The following KANK1 variants were observed in gnomAD, a reference collection of about 807,000 sequenced individuals.
The protein encoded by KANK1 is KN motif and ankyrin repeat domain-containing protein 1.
Under a neutral mutation model 106.2 loss-of-function variants are expected in KANK1, and 109 were observed. That is an observed-to-expected ratio of 1.03 (90% CI 0.88 to 1.20). The LOEUF (loss-of-function observed/expected upper bound fraction) is 1.20, where lower values mean the gene tolerates loss of function less well. KANK1 is among the 50% of genes most tolerant of loss of function. KANK1 has a pLI of 0.00. For synonymous variants in KANK1, 873 were observed against 652.2 expected (o/e 1.34, Z -5.16); for missense variants, 2,399 against 1,710.7 (o/e 1.40, Z -7.10).
intron 3 of KANK1, among the ~76,000 whole-genome samples, chr9:483,798 T>C (rs2360717): frequency 0.22 from 33,543 of 152,000 alleles, 4,338 homozygotes; most frequent in East Asian, 0.46. Context: ...CTTGACAACC[T>C]GCTAGCTCTT....
At chr9:621,174 C>G (rs997031988) in intron 1 of KANK1, among the ~76,000 whole-genome samples, 4 of 152,028 alleles carry the variant, frequency 2.6e-5, no homozygotes, top group African/African-American at 4.8e-5. Flanking sequence ...TCTTTGGGGC[C>G]TCACCTAATA....
chr9:515,929 G>A (rs1445203585), intron 1 of KANK1, among the ~76,000 whole-genome samples: 2 of 151,748 alleles, frequency 1.3e-5, no homozygotes, highest in Admixed American at 6.6e-5. Flanking sequence ...GACATTTTGA[G>A]ATTTCTTCCT....
intron 1 of KANK1, among the ~76,000 whole-genome samples, chr9:510,075 A>G (rs569621094): frequency 3.7e-4 from 57 of 152,080 alleles, no homozygotes; most frequent in Middle Eastern, 3.4e-3. Context: ...CCCTCCTAAA[A>G]GTGCTGGGAT....
intron 3 of KANK1, among the ~76,000 whole-genome samples, chr9:479,897 T>C (rs2058173209): frequency 6.6e-6 from 1 of 152,210 alleles, no homozygotes; most frequent in Non-Finnish European, 1.5e-5. Context: ...GTATAATTGG[T>C]GCGAACAGTG....
At chr9:628,508 A>T (rs1447267983) in intron 1 of KANK1, among the ~76,000 whole-genome samples, 1 of 152,202 alleles carries the variant, frequency 6.6e-6, no homozygotes, top group East Asian at 1.9e-4. Flanking sequence ...TCATTTCTTC[A>T]GTGTCTGCCT....
chr9:741,799 T>A (rs1272492502), intron 9 of KANK1, among the ~76,000 whole-genome samples: 1 of 151,912 alleles, frequency 6.6e-6, no homozygotes, highest in East Asian at 1.9e-4. Flanking sequence ...GGCTTTTTTT[T>A]AAGTAGAGAT....
At chr9:706,881 T>G in intron 2 of KANK1, 1 of 985,440 alleles carries the variant, frequency 1.0e-6, no homozygotes, top group South Asian at 4.7e-5. Context: ...AAGCAGTGAC[T>G]AGTATAGGAA....
At chr9:512,249 G>GTGTGTGTGTGTGTGTGTGTGTGTA (rs370159663) in intron 1 of KANK1, among the ~76,000 whole-genome samples, 17 of 149,506 alleles carry the variant, frequency 1.1e-4, no homozygotes, top group African/African-American at 4.3e-4. Flanking sequence ...GTGTGTGTGT[G>GTGTGTGTGTGTGTGTGTGTGTGTA]TATGTATATA....
At chr9:734,469 C>A (rs886378535) in intron 6 of KANK1, 4 of 289,202 alleles carry the variant, frequency 1.4e-5, no homozygotes, top group Non-Finnish European at 2.7e-5. Context: ...AGTTCAAAAC[C>A]AGCCTGGCCA....
intron 1 of KANK1, among the ~76,000 whole-genome samples, chr9:656,898 A>G (rs897817535): frequency 6.6e-6 from 1 of 152,116 alleles, no homozygotes; most frequent in African/African-American, 2.4e-5. Flanking sequence ...TATTGTGGTG[A>G]AAAACACATA....
intron 1 of KANK1, among the ~76,000 whole-genome samples, chr9:539,083 G>C (rs748758332): frequency 7.9e-5 from 12 of 152,106 alleles, no homozygotes; most frequent in Non-Finnish European, 1.6e-4. Context: ...ATTTCACCAT[G>C]TTGGCCCAGC....
At chr9:558,337 G>T (rs1224675238) in intron 1 of KANK1, among the ~76,000 whole-genome samples, 1 of 152,212 alleles carries the variant, frequency 6.6e-6, no homozygotes, top group Non-Finnish European at 1.5e-5. Flanking sequence ...TAAAGTCGCT[G>T]TGGACATAAT....
rs1231380431 is a variant in KANK1, at chr9:597,396, T to A, written c.-83-79494T>A. On this transcript the variant is annotated intron_variant, in intron 1 of 11. Coordinates refer to ENST00000382297, the MANE Select transcript of KANK1 (RefSeq NM_015158.5). ...TTATTTTCCCTTTTTAAAAAAATTA[T>A]AGTCGTCCTTGTGGGTATAAAGTAG... Among the ~76,000 whole-genome samples, 3 of 152,030 alleles carry A rather than the reference T, an allele frequency of 2.0e-5. No homozygotes were observed. In the East Asian group the frequency reaches 5.8e-4, roughly 29 times the overall value.
At chr9:714,031 A>G (rs1407127601) in intron 3 of KANK1, among the ~76,000 whole-genome samples, 9 of 152,160 alleles carry the variant, frequency 5.9e-5, no homozygotes, top group Non-Finnish European at 1.2e-4. Flanking sequence ...TAGAGCCCAG[A>G]AATTTGAGAC....
chr9:739,426 G>A (rs572222080), intron 8 of KANK1, among the ~76,000 whole-genome samples: 79 of 152,280 alleles, frequency 5.2e-4, no homozygotes, highest in African/African-American at 1.7e-3. Flanking sequence ...TGGAATTGAT[G>A]CAGAGAAGAA....
intron 3 of KANK1, among the ~76,000 whole-genome samples, chr9:726,511 T>C (rs540739341): frequency 3.9e-5 from 6 of 151,992 alleles, no homozygotes; most frequent in Non-Finnish European, 5.9e-5. Context: ...TGGTGGCACT[T>C]GCCTGTAGCC....
In KANK1 at chr9:712,866, A is replaced by G. The variant is rs566519749; in HGVS notation, c.2100A>G (p.Leu700=). Residue 700 remains leucine, a synonymous_variant, in exon 3 of 12, where the codon CTA becomes CTG. Coordinates refer to ENST00000382297, the MANE Select transcript of KANK1 (RefSeq NM_015158.5). ...TLIESCTNTC[L]STLDKQTSTQ... ...TAGAGTCCTGCACCAACACTTGTCT[A>G]AGCACTTTGGACAAGCAGACCAGCA... 5.0e-6 allele frequency: 8 copies of G among 1,613,822 alleles called. No homozygotes were observed. In the East Asian group the frequency reaches 1.6e-4, roughly 31 times the overall value.
At chr9:730,329 C>T (rs570568254) in intron 4 of KANK1, 81 bp downstream of exon 4, 594 of 1,328,378 alleles carry the variant, frequency 4.5e-4, no homozygotes, top group Non-Finnish European at 5.8e-4. Context: ...GTCAATGTAC[C>T]TTTTAAATTG....
intron 3 of KANK1, among the ~76,000 whole-genome samples, chr9:490,195 A>C (rs1372339199): frequency 6.6e-6 from 1 of 152,194 alleles, no homozygotes; most frequent in Non-Finnish European, 1.5e-5. Flanking sequence ...TTTTAAATAC[A>C]TCTCCACTGG....
Sources: allele counts gnomAD v4.1 joint callset (sites outside exome capture counted in the v4.1 genomes callset), GRCh38; gene constraint gnomAD v4.1.1; transcripts MANE v1.5; gene names NCBI Gene and HGNC (gene_info 2026-07-23, HGNC 2026-07-21).